GALNT13: variants seen among roughly 807,000 people sequenced by gnomAD.
The protein encoded by GALNT13 is UDP-GalNAc:polypeptide N-acetylgalactosaminyltransferase 13.
GALNT13 carries 28 observed loss-of-function variants against 64.2 expected under a neutral mutation model. The observed-to-expected ratio is 0.44, with a 90% CI of 0.32 to 0.60. GALNT13 has a LOEUF of 0.60. Ranked by LOEUF, GALNT13 falls within the 20% of genes least tolerant of loss-of-function variation. GALNT13 has a pLI of 0.05. For synonymous variants in GALNT13, 214 were observed against 224.6 expected, an observed-to-expected ratio of 0.95 and a Z score of 0.42; for missense variants, 577 against 669.8, an observed-to-expected ratio of 0.86 and a Z score of 1.53.
chr2:154,298,749 TA>T lies in GALNT13; in HGVS notation c.976-2659del, dbSNP rs561233912. 2.0e-4 allele frequency among the ~76,000 whole-genome samples: 16 copies of T among 79,148 alleles called. 2 individuals are homozygous for T. In the South Asian group the frequency reaches 6.5e-3, roughly 32 times the overall value. The allele number at this position is 79,148 out of a possible 152,430, so 51.9% of individuals were successfully genotyped here. ...ATTATTTATATATAGTATATATAAA[TA>T]TATATACTATATATAAATTATATAT... is the stretch of plus-strand genomic sequence containing the variant. On this transcript the variant is annotated intron_variant, in intron 8 of 12. Transcript: ENST00000392825.
intron 4 of GALNT13, among the ~76,000 whole-genome samples, chr2:154,240,823 G>A (rs1199135833): frequency 6.6e-6 from 1 of 152,154 alleles, no homozygotes; most frequent in Non-Finnish European, 1.5e-5. Context: ...ATCACACTTG[G>A]GCTTGGAGAA....
intron 11 of GALNT13, 168 bp downstream of exon 11, chr2:154,409,250 A>C: frequency 1.6e-6 from 1 of 616,726 alleles, no homozygotes; most frequent in South Asian, 1.9e-5. Flanking sequence ...AGGATCTTAA[A>C]GGAGAGCTGA....
the GALNT13 span, among the ~76,000 whole-genome samples, chr2:153,849,037 A>T: frequency 1.3e-5 from 2 of 152,188 alleles, no homozygotes; most frequent in South Asian, 4.2e-4. Flanking sequence ...TAGCTGCAAA[A>T]GTATTTAAAT....
the GALNT13 span, among the ~76,000 whole-genome samples, chr2:153,761,284 T>C: frequency 3.3e-5 from 5 of 152,198 alleles, no homozygotes; most frequent in Non-Finnish European, 7.4e-5. Flanking sequence ...TTCTGCTTTT[T>C]TGAGCTTTTA....
At chr2:153,870,545 C>T (rs1431714476), upstream of GALNT13, among the ~76,000 whole-genome samples, 1 of 151,794 alleles carries the variant, frequency 6.6e-6, no homozygotes, top group Non-Finnish European at 1.5e-5. Context: ...ACCCTGTGTA[C>T]TCACACATGC....
intron 8 of GALNT13, chr2:154,287,157 TG>T: frequency 6.8e-7 from 1 of 1,478,544 alleles, no homozygotes; most frequent in Non-Finnish European, 9.3e-7. Context: ...ACAGAAGCGG[TG>T]GAAGCCAAAC....
At chr2:154,232,259 A>G (rs1688956704) in intron 4 of GALNT13, among the ~76,000 whole-genome samples, 1 of 152,190 alleles carries the variant, frequency 6.6e-6, no homozygotes. Flanking sequence ...GTAAATATGT[A>G]GTAGCACATT....
chr2:153,481,159 T>C, the GALNT13 span, among the ~76,000 whole-genome samples: 1 of 152,170 alleles, frequency 6.6e-6, no homozygotes, highest in Non-Finnish European at 1.5e-5. Flanking sequence ...AAGACAATCT[T>C]GGGATTGTTT....
chr2:154,189,257 T>C lies in GALNT13; in HGVS notation c.311+48752T>C, dbSNP rs184847786. Among the ~76,000 whole-genome samples, 413 of 152,128 alleles carry C rather than the reference T, an allele frequency of 2.7e-3. 4 individuals carry two copies. The highest frequency in any genetic ancestry group is 9.9e-3 in the African/African-American group (409 of 41,510). On this transcript the variant is annotated intron_variant, in intron 4 of 12. Coordinates refer to ENST00000392825, the MANE Select transcript of GALNT13 (RefSeq NM_052917.4). ...TGCTTTTAATTATAAATAGGACATA[T>C]AAAATTTAAAAGTTGGATAATGTTA...
At chr2:153,884,346 T>C (rs1686988264) in intron 1 of GALNT13, among the ~76,000 whole-genome samples, 1 of 151,942 alleles carries the variant, frequency 6.6e-6, no homozygotes, top group Non-Finnish European at 1.5e-5. Flanking sequence ...AACCACTCTC[T>C]GTGGAGGCAT....
the GALNT13 span, among the ~76,000 whole-genome samples, chr2:153,729,014 A>G: frequency 2.0e-5 from 3 of 152,176 alleles, no homozygotes; most frequent in Non-Finnish European, 4.4e-5. Flanking sequence ...TCAACCAAAA[A>G]AAGCCCAGGA....
At chr2:153,572,702 CT>C in the GALNT13 span, among the ~76,000 whole-genome samples, 3 of 151,874 alleles carry the variant, frequency 2.0e-5, no homozygotes, top group Non-Finnish European at 4.4e-5. Context: ...CATTGACCCA[CT>C]GGTCGTTCAG....
At chr2:154,225,101 G>GAGATAGATAGATAGATAGAT (rs3078692) in intron 4 of GALNT13, among the ~76,000 whole-genome samples, 16 of 136,224 alleles carry the variant, frequency 1.2e-4, no homozygotes, top group South Asian at 2.5e-4. Flanking sequence ...CACACATGGA[G>GAGATAGATAGATAGATAGAT]AGATAGATAG....
the GALNT13 span, among the ~76,000 whole-genome samples, chr2:153,267,983 C>T: frequency 6.6e-6 from 1 of 152,080 alleles, no homozygotes; most frequent in East Asian, 1.9e-4. Flanking sequence ...TATTACAATT[C>T]AAGGTGAGAT....
the GALNT13 span, among the ~76,000 whole-genome samples, chr2:153,338,528 A>T: frequency 6.6e-6 from 1 of 152,198 alleles, no homozygotes; most frequent in African/African-American, 2.4e-5. Context: ...CTTATGGTGT[A>T]CAATATGATG....
At chr2:153,936,992 C>T (rs576351892) in intron 2 of GALNT13, among the ~76,000 whole-genome samples, 2 of 152,310 alleles carry the variant, frequency 1.3e-5, no homozygotes, top group Admixed American at 6.5e-5. Flanking sequence ...GCTGGGATTA[C>T]AGGCGTGAGC....
At chr2:153,948,664 A>G (rs1301714327) in intron 3 of GALNT13, among the ~76,000 whole-genome samples, 1 of 152,154 alleles carries the variant, frequency 6.6e-6, no homozygotes, top group Non-Finnish European at 1.5e-5. Flanking sequence ...ACTATGGAAT[A>G]CTATGCGCCA....
chr2:154,106,401 T>C (rs1702617223), intron 3 of GALNT13, among the ~76,000 whole-genome samples: 1 of 152,156 alleles, frequency 6.6e-6, no homozygotes, highest in Non-Finnish European at 1.5e-5. Context: ...TGCATATGTA[T>C]GTCCAAGTTC....
At chr2:154,038,671 C>T (rs571869933) in intron 3 of GALNT13, among the ~76,000 whole-genome samples, 1 of 151,926 alleles carries the variant, frequency 6.6e-6, no homozygotes, top group East Asian at 1.9e-4. Context: ...TAGAAGAAAA[C>T]ATAGGAGTAA....
Sources: gnomAD v4.1 joint callset for allele counts (sites outside exome capture counted in the v4.1 genomes callset) on GRCh38, gnomAD v4.1.1 for gene constraint, MANE v1.5 for transcripts, NCBI Gene and HGNC (gene_info 2026-07-23, HGNC 2026-07-21) for gene names.